DOCK4: variants seen among roughly 807,000 people sequenced by gnomAD.
DOCK4 encodes dedicator of cytokinesis 4, also known as dedicator of cytokinesis protein 4.
DOCK4 carries 97 observed loss-of-function variants against 268.1 expected under a neutral mutation model. That is an observed-to-expected ratio of 0.36 (90% CI 0.31 to 0.43). The LOEUF (loss-of-function observed/expected upper bound fraction) is 0.43. Among genes scored for constraint, DOCK4 ranks in the 20% least tolerant of loss-of-function variants. DOCK4 has a pLI of 1.00. For missense variants in DOCK4, 2,145 were observed against 2,455.7 expected, an observed-to-expected ratio of 0.87 and a Z score of 2.67; for synonymous variants, 954 against 887.2, an observed-to-expected ratio of 1.08 and a Z score of -1.34.
intron 23 of DOCK4, among the ~76,000 whole-genome samples, chr7:111,859,828 A>C (rs1229479441): frequency 3.3e-5 from 5 of 152,018 alleles, no homozygotes; most frequent in Admixed American, 1.3e-4. Context: ...CGGCCTCCCA[A>C]AGTGCTGGGA....
chr7:111,936,769 T>C (rs1399929923), intron 11 of DOCK4, among the ~76,000 whole-genome samples: 2 of 152,226 alleles, frequency 1.3e-5, no homozygotes, highest in Non-Finnish European at 2.9e-5. Flanking sequence ...TGTTTCCTAG[T>C]GATCAAGTCT....
chr7:112,039,666 T>C lies in DOCK4; in HGVS notation c.38-35535A>G, dbSNP rs191303470. ...CAGACATCTCCTGTTTGGACAGAAC[T>C]ATGTTTAAAAACAATTATAACTACT... On this transcript the variant is annotated intron_variant, in intron 1 of 52. Coordinates refer to ENST00000428084, the MANE Select transcript of DOCK4 (RefSeq NM_001363540.2). Among the ~76,000 whole-genome samples the C allele has an allele frequency of 7.2e-5, 11 of 152,232 alleles. No homozygotes were observed. In the East Asian group the frequency reaches 2.1e-3, roughly 29 times the overall value.
chr7:111,907,625 C>T (rs969959332), intron 13 of DOCK4, among the ~76,000 whole-genome samples: 9 of 152,330 alleles, frequency 5.9e-5, no homozygotes, highest in South Asian at 4.1e-4. Context: ...ACCATCTCCT[C>T]GCACATCAGG....
At chr7:112,002,823 G>T (rs994325571) in intron 2 of DOCK4, among the ~76,000 whole-genome samples, 1 of 152,092 alleles carries the variant, frequency 6.6e-6, no homozygotes, top group Non-Finnish European at 1.5e-5. Context: ...GCCAAGGTGG[G>T]TGGATCACCT....
Position 111,778,373 on chromosome 7 carries a change from TA to T in DOCK4, c.3586-5del, listed in dbSNP as rs780972400. ...TCAGTTCAGTCTTATAGAAGTTCTG[TA>T]AAAAAAGAGTACAGGTATGGATAGT... On this transcript the variant is annotated splice_polypyrimidine_tract_variant and splice_region_variant and intron_variant, in intron 35 of 52. Coordinates refer to ENST00000428084, the MANE Select transcript of DOCK4 (RefSeq NM_001363540.2). 12 of 1,593,698 alleles carry T rather than the reference TA, an allele frequency of 7.5e-6. No homozygotes were observed. Among genetic ancestry groups the T allele is most frequent in the Non-Finnish European group, 9.5e-6 (11 of 1,162,734 alleles).
intron 23 of DOCK4, among the ~76,000 whole-genome samples, chr7:111,856,466 T>TA (rs1307660431): frequency 2.0e-4 from 31 of 152,374 alleles, no homozygotes; most frequent in Non-Finnish European, 2.9e-4. Flanking sequence ...TTTTCAAAGA[T>TA]ACATCTTTCT....
chr7:111,899,618 G>T lies in DOCK4; in HGVS notation c.1480+756C>A, dbSNP rs76884101. Among the ~76,000 whole-genome samples the T allele has an allele frequency of 2.4e-3, 367 of 152,302 alleles. 3 individuals carry two copies. Among genetic ancestry groups the T allele is most frequent in the African/African-American group, 7.7e-3 (319 of 41,572 alleles). On this transcript the variant is annotated intron_variant, in intron 15 of 52. Coordinates refer to ENST00000428084, the MANE Select transcript of DOCK4 (RefSeq NM_001363540.2). ...AACCCTGTAACAGTTCTATGTCTTG[G>T]GTTGTTGAGATCTGTAAAATGAGGC...
chr7:111,728,906 C>G (rs1029664545), intron 52 of DOCK4, among the ~76,000 whole-genome samples, 186 bp from the exon 53 acceptor site: 4 of 152,144 alleles, frequency 2.6e-5, no homozygotes, highest in Non-Finnish European at 5.9e-5. Flanking sequence ...CTAATCCAAG[C>G]TGACTGGTGT....
intron 1 of DOCK4, among the ~76,000 whole-genome samples, chr7:112,052,458 T>TC (rs906150050): frequency 3.3e-5 from 5 of 151,976 alleles, no homozygotes; most frequent in African/African-American, 7.3e-5. Flanking sequence ...TTCCCCTTCT[T>TC]CCCCCCCTCA....
At chr7:112,181,710 T>C (rs1448944867) in intron 1 of DOCK4, among the ~76,000 whole-genome samples, 2 of 149,478 alleles carry the variant, frequency 1.3e-5, no homozygotes, top group Admixed American at 6.7e-5. Flanking sequence ...GTATGATACG[T>C]TCCCACTGTG....
At chr7:111,839,609 T>A (rs1271564664) in intron 25 of DOCK4, among the ~76,000 whole-genome samples, 1 of 152,232 alleles carries the variant, frequency 6.6e-6, no homozygotes, top group Non-Finnish European at 1.5e-5. Context: ...CCCATTGCAA[T>A]AACTTATAAT....
intron 25 of DOCK4, among the ~76,000 whole-genome samples, chr7:111,844,249 C>G (rs1803920712): frequency 6.6e-6 from 1 of 152,184 alleles, no homozygotes; most frequent in African/African-American, 2.4e-5. Flanking sequence ...GCACTCCAAC[C>G]TGGGAGACAG....
intron 35 of DOCK4, among the ~76,000 whole-genome samples, chr7:111,780,707 C>T (rs894677619): frequency 6.6e-6 from 1 of 152,192 alleles, no homozygotes; most frequent in Non-Finnish European, 1.5e-5. Context: ...CTCCTGAAGA[C>T]AATCTGGAAT....
At chr7:112,142,816 A>T (rs1452028613) in intron 1 of DOCK4, among the ~76,000 whole-genome samples, 1 of 152,134 alleles carries the variant, frequency 6.6e-6, no homozygotes, top group Non-Finnish European at 1.5e-5. Flanking sequence ...AACCTGAAGT[A>T]GGTGGAAACA....
chr7:112,021,488 G>T (rs958325473), intron 1 of DOCK4, among the ~76,000 whole-genome samples: 14 of 152,178 alleles, frequency 9.2e-5, no homozygotes, highest in Admixed American at 1.3e-4. Context: ...ACATAAAGTG[G>T]AATAAAAATT....
chr7:112,017,419 A>G (rs568358577), intron 1 of DOCK4, among the ~76,000 whole-genome samples: 1 of 152,346 alleles, frequency 6.6e-6, no homozygotes, highest in South Asian at 2.1e-4. Context: ...ATAATTACAC[A>G]TGTAATGAAA....
Position 111,809,325 on chromosome 7 carries a change from GA to G in DOCK4, c.3082del (p.Ser1028ProfsTer7). 6.4e-7 allele frequency: 1 copy of G among 1,562,340 alleles called. No individual in the cohort carries two copies. Among genetic ancestry groups the G allele is most frequent in the Admixed American group, 1.9e-5 (1 of 52,466 alleles). ...CTTTTCTAACACCTTTTTCTTCTTGGAAGGTGTGAACATCTCCAACTGCAGA... is the reference window on the plus strand; with the variant it reads ...CTTTTCTAACACCTTTTTCTTCTTGGAGGTGTGAACATCTCCAACTGCAGA... ...LCLQLEMFTP[S>X]KKKKVLEKYG... On this transcript the variant is annotated frameshift_variant, in exon 29 of 53. Coordinates refer to ENST00000428084, the MANE Select transcript of DOCK4 (RefSeq NM_001363540.2). LOFTEE classifies it high-confidence loss of function.
At chr7:112,082,298 G>T (rs1317344382) in intron 1 of DOCK4, among the ~76,000 whole-genome samples, 1 of 152,132 alleles carries the variant, frequency 6.6e-6, no homozygotes, top group Non-Finnish European at 1.5e-5. Flanking sequence ...TGTAATGTCA[G>T]TAGAGGAAAC....
At chr7:111,779,404 C>G (rs931204977) in intron 35 of DOCK4, among the ~76,000 whole-genome samples, 8 of 151,998 alleles carry the variant, frequency 5.3e-5, no homozygotes, top group African/African-American at 1.4e-4. Context: ...ATTATGTTGG[C>G]TATTTTATTT....
Sources: allele counts gnomAD v4.1 joint callset (sites outside exome capture counted in the v4.1 genomes callset), GRCh38; gene constraint gnomAD v4.1.1; transcripts MANE v1.5; gene names NCBI Gene and HGNC (gene_info 2026-07-23, HGNC 2026-07-21).